The following PTK2 variants were observed in gnomAD, a reference collection of about 807,000 sequenced individuals.
PTK2 encodes the protein focal adhesion kinase 1.
Under a neutral mutation model 150.1 loss-of-function variants are expected in PTK2, and 45 were observed. The observed-to-expected ratio is 0.30, with a 90% confidence interval of 0.24 to 0.38. The LOEUF (loss-of-function observed/expected upper bound fraction) is 0.38, where lower values mean the gene tolerates loss of function less well. Ranked by LOEUF, PTK2 falls within the 10% of genes least tolerant of loss-of-function variation. The pLI, the probability that PTK2 is intolerant of heterozygous loss-of-function variation, is 1.00. For missense variants in PTK2, 919 were observed against 1,307.3 expected, an observed-to-expected ratio of 0.70 and a Z score of 4.58; for synonymous variants, 432 against 449.2, an observed-to-expected ratio of 0.96 and a Z score of 0.48.
intron 29 of PTK2, among the ~76,000 whole-genome samples, chr8:140,670,488 A>AACAACACACAC (rs2095015323): frequency 2.6e-5 from 1 of 38,944 alleles, no homozygotes; most frequent in African/African-American, 7.6e-5. Context: ...AAAAAACAAC[A>AACAACACACAC]ACACACACAC....
At chr8:140,659,269 AAAAC>A (rs2076066654) in exon 32 of PTK2, 1 of 553,574 alleles carries the variant, frequency 1.8e-6, no homozygotes, top group East Asian at 3.0e-5. Flanking sequence ...ATGATTGAAA[AAAAC>A]AAAACAAAAA....
chr8:140,945,577 G>C (rs528382356), intron 1 of PTK2, among the ~76,000 whole-genome samples: 2 of 144,664 alleles, frequency 1.4e-5, no homozygotes, highest in East Asian at 4.1e-4. Flanking sequence ...GTGACAAAAT[G>C]AGACCTTTAT....
intron 7 of PTK2, among the ~76,000 whole-genome samples, chr8:140,830,921 A>ACCCCCC (rs2100114987): frequency 6.6e-6 from 1 of 152,178 alleles, no homozygotes; most frequent in Non-Finnish European, 1.5e-5. Flanking sequence ...GAAAATAGCT[A>ACCCCCC]GCCTGATTAG....
intron 1 of PTK2, among the ~76,000 whole-genome samples, chr8:140,945,906 A>AT (rs1285493341): frequency 6.6e-6 from 1 of 152,144 alleles, no homozygotes; most frequent in Non-Finnish European, 1.5e-5. Context: ...AGAAGACATC[A>AT]TCTCCATTCC....
At chr8:140,873,708 C>T (rs1235183651) in intron 4 of PTK2, among the ~76,000 whole-genome samples, 1 of 152,138 alleles carries the variant, frequency 6.6e-6, no homozygotes, top group Non-Finnish European at 1.5e-5. Flanking sequence ...TCAGGTGATT[C>T]GCCCACCTTG....
chr8:140,662,804 T>C (rs1421214340), intron 31 of PTK2: 2 of 520,726 alleles, frequency 3.8e-6, no homozygotes, highest in Admixed American at 2.4e-5. Context: ...AGATGCAAAA[T>C]CTCAATCTCA....
chr8:140,729,662 TTTTTTCCTTTC>T (rs1180805305), intron 22 of PTK2, among the ~76,000 whole-genome samples: 2 of 152,178 alleles, frequency 1.3e-5, no homozygotes, highest in African/African-American at 4.8e-5. Context: ...GTAATAGTAT[TTTTTTCCTTTC>T]TTTTTCCTTT....
At chr8:140,764,252 T>C in exon 15 of PTK2, 4 of 1,611,118 alleles carry the variant, frequency 2.5e-6, no homozygotes, top group Non-Finnish European at 3.4e-6. Context: ...ATGGTGTAAG[T>C]ATCTTCTTCA....
intron 22 of PTK2, among the ~76,000 whole-genome samples, chr8:140,730,107 A>G (rs372337391): frequency 2.6e-5 from 4 of 152,190 alleles, no homozygotes; most frequent in Non-Finnish European, 4.4e-5. Context: ...AAATATTCCT[A>G]AAGAGCTCAA....
intron 27 of PTK2, among the ~76,000 whole-genome samples, chr8:140,680,764 G>A (rs2100016468): frequency 1.3e-5 from 2 of 152,284 alleles, no homozygotes; most frequent in East Asian, 1.9e-4. Context: ...GTATGGGAAT[G>A]TTAAATGGCT....
chr8:140,835,447 C>T (rs2100118164), intron 7 of PTK2, among the ~76,000 whole-genome samples: 1 of 152,180 alleles, frequency 6.6e-6, no homozygotes, highest in Non-Finnish European at 1.5e-5. Context: ...CTTACTCTTT[C>T]TCCAAAACTG....
intron 3 of PTK2, among the ~76,000 whole-genome samples, chr8:140,880,100 T>C (rs901127513): frequency 6.6e-5 from 10 of 152,214 alleles, no homozygotes; most frequent in African/African-American, 2.4e-4. Flanking sequence ...AATCATTTTT[T>C]TAAAAAAACA....
At chr8:140,967,461 CTTTT>C (rs137959476) in intron 1 of PTK2, among the ~76,000 whole-genome samples, 13 of 121,520 alleles carry the variant, frequency 1.1e-4, no homozygotes, top group South Asian at 2.8e-4. Context: ...TTCTTTCTTT[CTTTT>C]TTTTTTTTTT....
intron 12 of PTK2, among the ~76,000 whole-genome samples, chr8:140,798,040 G>A (rs1294022185): frequency 6.6e-6 from 1 of 152,056 alleles, no homozygotes; most frequent in Non-Finnish European, 1.5e-5. Context: ...TTCACATGTA[G>A]AATGTACTGA....
intron 31 of PTK2, among the ~76,000 whole-genome samples, chr8:140,661,427 G>C (rs774481352): frequency 1.3e-5 from 2 of 152,140 alleles, no homozygotes; most frequent in Non-Finnish European, 2.9e-5. Context: ...AGGGGATTGG[G>C]AACAGACATG....
At chr8:140,925,105 C>A (rs1044238446) in intron 2 of PTK2, among the ~76,000 whole-genome samples, 1 of 151,910 alleles carries the variant, frequency 6.6e-6, no homozygotes, top group Admixed American at 6.6e-5. Flanking sequence ...TTTCACATTT[C>A]TCATATAATT....
intron 11 of PTK2, among the ~76,000 whole-genome samples, chr8:140,801,055 C>A (rs1215031458): frequency 6.6e-6 from 1 of 152,200 alleles, no homozygotes; most frequent in African/African-American, 2.4e-5. Context: ...AGAAATCATT[C>A]TCTTTCCAAT....
At chr8:140,979,042 T>C (rs1342476486) in intron 1 of PTK2, among the ~76,000 whole-genome samples, 2 of 136,296 alleles carry the variant, frequency 1.5e-5, no homozygotes, top group Non-Finnish European at 3.0e-5. Context: ...TTCTCACTCA[T>C]ATGTGGGAAT....
intron 26 of PTK2, among the ~76,000 whole-genome samples, chr8:140,698,612 C>CAT (rs2100028279): frequency 6.6e-6 from 1 of 151,512 alleles, no homozygotes; most frequent in Admixed American, 6.6e-5. Flanking sequence ...TGCCACCATG[C>CAT]CTGGCTAATT....
Sources: allele counts gnomAD v4.1 joint callset (sites outside exome capture counted in the v4.1 genomes callset), GRCh38; gene constraint gnomAD v4.1.1; transcripts MANE v1.5; gene names NCBI Gene and HGNC (gene_info 2026-07-23, HGNC 2026-07-21).